Variants in OR10G7 observed in about 807,000 individuals in gnomAD.
OR10G7 encodes the protein olfactory receptor family 10 subfamily G member 7.
For synonymous variants in OR10G7, 165 were observed against 167.4 expected (o/e 0.99, Z 0.11); for missense variants, 338 against 382.1 (o/e 0.88, Z 0.96).
chr11:124,038,126 C>T lies in OR10G7; in HGVS notation c.876G>A (p.Lys292=), dbSNP rs1864206843. Residue 292 remains lysine (K), a synonymous_variant, in exon 2 of 2, where the codon AAG becomes AAA. Transcript: ENST00000641585. ...GCTTCAACAGAGCTTTCTTTACCTC[C>T]TTGTTTCTCAGGGTGTACACAACAG... ...FNPVVYTLRN[K]EVKKALLKLK... 1 of 1,613,986 alleles carries T rather than the reference C, an allele frequency of 6.2e-7. No individual in the cohort carries two copies. Among genetic ancestry groups the T allele is most frequent in the Non-Finnish European group, 8.5e-7 (1 of 1,179,954 alleles).
chr11:124,039,610 GTTT>G, intron 1 of OR10G7, among the ~76,000 whole-genome samples: 1 of 152,262 alleles, frequency 6.6e-6, no homozygotes, highest in Middle Eastern at 3.4e-3. Context: ...TCCAGCAGTG[GTTT>G]AGCATTATGT....
rs752203237 is a variant in OR10G7, at chr11:124,038,240, A to C, written c.762T>G (p.Gly254=). 21 of 1,613,974 alleles carry C rather than the reference A, an allele frequency of 1.3e-5. No individual in the cohort carries two copies. Among genetic ancestry groups the C allele is most frequent in the Non-Finnish European group, 1.6e-5 (19 of 1,180,030 alleles). ...AGCCTGGCCTCAGGTAAATGAAAAG[A>C]CCAGGGCCAAAGAAGCAAAGGACCA... The part of the protein sequence containing the change: ...CIVVLCFFGP[G]LFIYLRPGSR... Residue 254 remains glycine, a synonymous_variant, in exon 2 of 2, where the codon GGT becomes GGG. Coordinates refer to ENST00000641585, the MANE Select transcript of OR10G7 (RefSeq NM_001004463.2).
chr11:124,038,735 C>T lies in OR10G7; in HGVS notation c.267G>A (p.Arg89=). 6.2e-7 allele frequency: 1 copy of T among 1,613,984 alleles called. No individual in the cohort carries two copies. The highest frequency in any genetic ancestry group is 8.5e-7 in the Non-Finnish European group (1 of 1,180,026). ...CCACGCAGCTGTGGAAGGAGATAGT[C>T]CTGCCGCTTGGGGACACCAAGGTCA... ...MLMTLVSPSG[R]TISFHSCVAQ... The change falls in exon 2 of 2, where the codon AGG becomes AGA. Residue 89 remains arginine, a synonymous_variant. Coordinates refer to ENST00000641585, the MANE Select transcript of OR10G7 (RefSeq NM_001004463.2).
In OR10G7 at chr11:124,039,055, A is replaced by G. The variant is rs754656342; in HGVS notation, c.-20-34T>C. 302 of 1,550,962 alleles carry G rather than the reference A, an allele frequency of 1.9e-4. 2 individuals carry two copies. The highest frequency in any genetic ancestry group is 1.2e-3 in the Middle Eastern group (7 of 5,780). On this transcript the variant is annotated intron_variant, in intron 1 of 1. Transcript: ENST00000641585. ...ACAGAAAGGAAGGGAGATAGCATTT[A>G]CTGTGAGCATGTTTTATATGAAATA...
At chr11:124,039,589 T>C (rs1864227366) in intron 1 of OR10G7, among the ~76,000 whole-genome samples, 1 of 152,138 alleles carries the variant, frequency 6.6e-6, no homozygotes, top group African/African-American at 2.4e-5. Context: ...GCTGCAGAAC[T>C]AAGGCAGGAT....
At chr11:124,039,153 T>G in intron 1 of OR10G7, 132 bp from the exon 2 acceptor site, 1 of 932,148 alleles carries the variant, frequency 1.1e-6, no homozygotes. Context: ...TCCTTTTGCT[T>G]CAGTATAGGT....
In OR10G7 at chr11:124,036,655, T is replaced by A. The variant is rs1864194613; in HGVS notation, c.*1411A>T. On this transcript the variant is annotated 3_prime_UTR_variant, in exon 2 of 2. Coordinates refer to ENST00000641585, the MANE Select transcript of OR10G7 (RefSeq NM_001004463.2). ...TAATTTTGGTTTATGTCTACCTCAG[T>A]TTTTTCCTTTGAGAAATGAGCTGAA... The A allele has an allele frequency of 6.6e-6, 1 of 152,204 alleles. No homozygotes were observed. The highest frequency in any genetic ancestry group is 2.4e-5 in the African/African-American group (1 of 41,452). 9.4% of individuals were successfully genotyped at this position (152,204 alleles called of 1,614,324 possible).
At position 124,037,990 on chromosome 11, in the gene OR10G7, G is replaced by C; in HGVS notation, c.*76C>G. On this transcript the variant is annotated 3_prime_UTR_variant, in exon 2 of 2. Coordinates refer to ENST00000641585, the MANE Select transcript of OR10G7 (RefSeq NM_001004463.2). ...TGAATAATTGAAATGCTCCATTCAA[G>C]TATAATGCTTATGTTGAAGGTTTAA... The C allele has an allele frequency of 1.1e-6, 1 of 930,382 alleles. No individual in the cohort carries two copies. The highest frequency in any genetic ancestry group is 1.6e-6 in the Non-Finnish European group (1 of 624,374). 57.6% of individuals were successfully genotyped at this position (930,382 alleles called of 1,614,324 possible).
chr11:124,037,819 G>T lies in OR10G7; in HGVS notation c.*247C>A. ...ATATAAGAAAATAAATTACTTTTCT[G>T]ATTACTTAATGGAACGTGAAAAGAA... On this transcript the variant is annotated 3_prime_UTR_variant, in exon 2 of 2. Coordinates refer to ENST00000641585, the MANE Select transcript of OR10G7 (RefSeq NM_001004463.2). The T allele has an allele frequency of 3.9e-6, 1 of 259,064 alleles. No homozygotes were observed. Among genetic ancestry groups the T allele is most frequent in the Non-Finnish European group, 7.2e-6 (1 of 138,564 alleles). 16.0% of individuals were successfully genotyped at this position (259,064 alleles called of 1,614,324 possible). A position where few individuals can be genotyped will look rare whatever the true frequency, so the allele number is the denominator to read the frequency against.
chr11:124,039,155 A>AGCAAGG (rs1378198443), intron 1 of OR10G7, 134 bp from the exon 2 acceptor site: 4 of 935,022 alleles, frequency 4.3e-6, no homozygotes. Context: ...CTTTTGCTTC[A>AGCAAGG]GTATAGGTCT....
In OR10G7 at chr11:124,038,845, G is replaced by A. The variant is rs767154343; in HGVS notation, c.157C>T (p.Leu53Phe). 2 of 1,613,858 alleles carry A rather than the reference G, an allele frequency of 1.2e-6. No individual in the cohort carries two copies. The highest frequency in any genetic ancestry group is 1.7e-6 in the Non-Finnish European group (2 of 1,179,918). ...ILLVIRVDSH[L>F]HTPMYYFLTN... ...AGGAAGTAGTACATGGGGGTGTGGA[G>A]GTGAGAATCCACCCTGATCACCAGC... Residue 53 changes from leucine (L) to phenylalanine (F), a missense_variant, in exon 2 of 2, where the codon CTC (leucine) becomes TTC (phenylalanine). Leu to Phe is a conservative substitution (Grantham distance 22). Coordinates refer to ENST00000641585, the MANE Select transcript of OR10G7 (RefSeq NM_001004463.2).
Position 124,037,260 on chromosome 11 carries a change from A to C in OR10G7, c.*806T>G, listed in dbSNP as rs192515754. On this transcript the variant is annotated 3_prime_UTR_variant, in exon 2 of 2. Coordinates refer to ENST00000641585, the MANE Select transcript of OR10G7 (RefSeq NM_001004463.2). Reference sequence around the variant, plus strand: ...TTATTCTAAATTAAGGGATACTCTTAACAGTTTTTGACTGCATATTTTTGT... The same window carrying C: ...TTATTCTAAATTAAGGGATACTCTTCACAGTTTTTGACTGCATATTTTTGT... 1 of 152,306 alleles carries C rather than the reference A, an allele frequency of 6.6e-6. No individual in the cohort carries two copies. The highest frequency in any genetic ancestry group is 1.9e-4 in the East Asian group (1 of 5,184). 9.4% of individuals were successfully genotyped at this position (152,306 alleles called of 1,614,324 possible). A position where few individuals can be genotyped will look rare whatever the true frequency, so the allele number is the denominator to read the frequency against.
Position 124,038,376 on chromosome 11 carries a change from C to T in OR10G7, c.626G>A (p.Cys209Tyr). 1.2e-6 allele frequency: 2 copies of T among 1,614,128 alleles called. No individual in the cohort carries two copies. Among genetic ancestry groups the T allele is most frequent in the East Asian group, 4.5e-5 (2 of 44,882 alleles). Residue 209 changes from cysteine to tyrosine, a missense_variant, in exon 2 of 2, where the codon TGC (cysteine) becomes TAC (tyrosine). Transcript: ENST00000641585. ...ATAGGACAGCACTATCAGGACAAAG[C>T]AGCCCGAGGCCACTAGCCCAATATT... is the stretch of plus-strand genomic sequence containing the variant. ...FVNIGLVASG[C>Y]FVLIVLSYVS...
chr11:124,036,467 T>C lies in OR10G7; in HGVS notation c.*1599A>G, dbSNP rs1864193336. The C allele has an allele frequency of 1.3e-5, 2 of 152,182 alleles. No individual in the cohort carries two copies. The highest frequency in any genetic ancestry group is 2.9e-5 in the Non-Finnish European group (2 of 68,030). 9.4% of individuals were successfully genotyped at this position (152,182 alleles called of 1,614,324 possible). A position where few individuals can be genotyped will look rare whatever the true frequency, so the allele number is the denominator to read the frequency against. The stretch of plus-strand genomic sequence containing the variant: ...TTTCCCCCTTGCCAGACAATGACTT[T>C]GGTGAATGCAGAGACCTTGTCTATT... On this transcript the variant is annotated 3_prime_UTR_variant, in exon 2 of 2. Coordinates refer to ENST00000641585, the MANE Select transcript of OR10G7 (RefSeq NM_001004463.2).
intron 1 of OR10G7, 110 bp from the exon 2 acceptor site, chr11:124,039,131 T>C (rs1004364588): frequency 2.2e-5 from 25 of 1,137,720 alleles, no homozygotes; most frequent in Non-Finnish European, 2.6e-5. Flanking sequence ...TTATTTTTTA[T>C]ATTTTATAAC....
Position 124,041,309 on chromosome 11 carries a change from A to G in OR10G7, c.-444T>C, listed in dbSNP as rs1864239099. On this transcript the variant is annotated 5_prime_UTR_variant, in exon 1 of 2. Coordinates refer to ENST00000641585, the MANE Select transcript of OR10G7 (RefSeq NM_001004463.2). ...AATAGTAAATATGGGTTTTAGTTAT[A>G]AAGGAGCTAATTATCTGAAGAGGTG... 1 of 152,134 alleles carries G rather than the reference A, an allele frequency of 6.6e-6. No homozygotes were observed. The highest frequency in any genetic ancestry group is 2.4e-5 in the African/African-American group (1 of 41,386). The allele number at this position is 152,134 out of a possible 1,614,324, so 9.4% of individuals were successfully genotyped here. A position where few individuals can be genotyped will look rare whatever the true frequency, so the allele number is the denominator to read the frequency against.
intron 1 of OR10G7, among the ~76,000 whole-genome samples, chr11:124,039,902 C>G (rs1225831027): frequency 6.6e-6 from 1 of 152,110 alleles, no homozygotes; most frequent in Non-Finnish European, 1.5e-5. Context: ...CCCTCCCCAC[C>G]CCAGGTCCCA....
Position 124,038,001 on chromosome 11 carries a change from A to C in OR10G7, c.*65T>G. The stretch of plus-strand genomic sequence containing the variant: ...AATGCTCCATTCAAGTATAATGCTT[A>C]TGTTGAAGGTTTAATTTAATTACAA... On this transcript the variant is annotated 3_prime_UTR_variant, in exon 2 of 2. Coordinates refer to ENST00000641585, the MANE Select transcript of OR10G7 (RefSeq NM_001004463.2). 9.8e-7 allele frequency: 1 copy of C among 1,019,732 alleles called. No individual in the cohort carries two copies. Among genetic ancestry groups the C allele is most frequent in the Non-Finnish European group, 1.4e-6 (1 of 698,444 alleles). 63.2% of individuals were successfully genotyped at this position (1,019,732 alleles called of 1,614,324 possible).
rs943614187 is a variant in OR10G7 at position 124,041,184 on chromosome 11, G to A, written c.-319C>T. ...ATCATTCCATAAACCTTTTTATTTA[G>A]CCAAAAATCAACTTCCAAAATGAAT... On this transcript the variant is annotated 5_prime_UTR_variant, in exon 1 of 2. Coordinates refer to ENST00000641585, the MANE Select transcript of OR10G7 (RefSeq NM_001004463.2). The A allele has an allele frequency of 2.0e-5, 3 of 152,008 alleles. No homozygotes were observed. Among genetic ancestry groups the A allele is most frequent in the Admixed American group, 2.0e-4 (3 of 15,282 alleles). 9.4% of individuals were successfully genotyped at this position (152,008 alleles called of 1,614,324 possible).
Sources: gnomAD v4.1 joint callset for allele counts (sites outside exome capture counted in the v4.1 genomes callset) on GRCh38, gnomAD v4.1.1 for gene constraint, MANE v1.5 for transcripts, NCBI Gene and HGNC (gene_info 2026-07-23, HGNC 2026-07-21) for gene names.